EPC2: variants seen among roughly 807,000 people sequenced by gnomAD.
The protein encoded by EPC2 is enhancer of polycomb homolog 2.
EPC2 carries 14 observed loss-of-function variants against 92.1 expected under a neutral mutation model. That is an observed-to-expected ratio of 0.15 (90% CI 0.10 to 0.24). The LOEUF is 0.24. EPC2 is among the 10% of genes least tolerant of loss of function. EPC2 has a pLI of 1.00. For synonymous variants in EPC2, 340 were observed against 334.7 expected (o/e 1.02, Z -0.17); for missense variants, 755 against 971.5 (o/e 0.78, Z 2.96).
intron 2 of EPC2, among the ~76,000 whole-genome samples, chr2:148,711,490 A>G (rs1366257577): frequency 3.3e-5 from 5 of 152,070 alleles, no homozygotes; most frequent in Non-Finnish European, 7.4e-5. Flanking sequence ...TTATTTTTTT[A>G]TGGCTCAGAA....
At chr2:148,702,985 TATC>T (rs1681919338) in intron 2 of EPC2, among the ~76,000 whole-genome samples, 1 of 152,228 alleles carries the variant, frequency 6.6e-6, no homozygotes, top group African/African-American at 2.4e-5. Context: ...CTTCCCACTG[TATC>T]ATACTTCCTG....
chr2:148,784,572 T>C (rs1029782931), intron 12 of EPC2, 96 bp from the exon 13 acceptor site: 33 of 968,048 alleles, frequency 3.4e-5, no homozygotes, highest in Non-Finnish European at 5.1e-5. Flanking sequence ...TGGCATTCAA[T>C]TCAAATACAA....
chr2:148,689,069 G>T (rs7564433), intron 1 of EPC2, among the ~76,000 whole-genome samples: 104,295 of 152,064 alleles, frequency 0.69, 36,886 homozygotes, highest in Non-Finnish European at 0.79. Context: ...AAAGCAGACC[G>T]TTTGGATATA....
intron 2 of EPC2, among the ~76,000 whole-genome samples, chr2:148,716,136 G>T (rs1682257116): frequency 1.3e-5 from 2 of 152,158 alleles, no homozygotes; most frequent in African/African-American, 4.8e-5. Flanking sequence ...AGACGATGGG[G>T]TTTTCTAGAA....
chr2:148,666,869 CT>C (rs61149894), intron 1 of EPC2, among the ~76,000 whole-genome samples: 134,779 of 146,136 alleles, frequency 0.92, 62,380 homozygotes, highest in Middle Eastern at 0.97. Context: ...CATTGTTAGA[CT>C]TTTTTTTTTT....
At chr2:148,669,029 A>T (rs893516513) in intron 1 of EPC2, among the ~76,000 whole-genome samples, 1 of 152,040 alleles carries the variant, frequency 6.6e-6, no homozygotes, top group Admixed American at 6.5e-5. Flanking sequence ...CTGCTTTATT[A>T]CATCTTACAT....
rs186978833 is a variant in EPC2 at position 148,646,561 on chromosome 2, G to C, written c.153+1391G>C. On this transcript the variant is annotated intron_variant, in intron 1 of 13. Coordinates refer to ENST00000258484, the MANE Select transcript of EPC2 (RefSeq NM_015630.4). ...ATCAAAACCCAGCATTTATCCCTAAGGTTTAGAGCTGTGAGAACTTTTTTT... is the reference window on the plus strand; with the variant it reads ...ATCAAAACCCAGCATTTATCCCTAACGTTTAGAGCTGTGAGAACTTTTTTT... Among the ~76,000 whole-genome samples, 681 of 150,494 alleles carry C rather than the reference G, an allele frequency of 4.5e-3. 4 individuals carry two copies. Among genetic ancestry groups the C allele is most frequent in the Non-Finnish European group, 7.2e-3 (486 of 67,784 alleles).
In EPC2 at chr2:148,662,211, T is replaced by C. The variant is rs528662117; in HGVS notation, c.153+17041T>C. Among the ~76,000 whole-genome samples the C allele has an allele frequency of 1.2e-3, 176 of 152,262 alleles. 1 individual carries two copies. The highest frequency in any genetic ancestry group is 3.4e-3 in the African/African-American group (142 of 41,558). ...TGGAGAAATAGGAACACTTTTACAC[T>C]GTTGGTGGGAGTGTAAACTAGTTCA... On this transcript the variant is annotated intron_variant, in intron 1 of 13. Coordinates refer to ENST00000258484, the MANE Select transcript of EPC2 (RefSeq NM_015630.4).
At chr2:148,674,076 A>G (rs1378735219) in intron 1 of EPC2, among the ~76,000 whole-genome samples, 2 of 151,968 alleles carry the variant, frequency 1.3e-5, no homozygotes, top group Non-Finnish European at 2.9e-5. Context: ...GGTGCATTTG[A>G]AAAAACAGGC....
At chr2:148,778,129 T>A (rs1388232423) in intron 10 of EPC2, among the ~76,000 whole-genome samples, 2 of 152,122 alleles carry the variant, frequency 1.3e-5, no homozygotes, top group Admixed American at 1.3e-4. Flanking sequence ...ACAATCAGAT[T>A]TATGGTTACT....
intron 2 of EPC2, among the ~76,000 whole-genome samples, 191 bp from the exon 3 acceptor site, chr2:148,743,431 A>AT (rs1682919400): frequency 6.6e-6 from 1 of 152,148 alleles, no homozygotes; most frequent in Non-Finnish European, 1.5e-5. Flanking sequence ...TGTTTAAATC[A>AT]TATATAAAGC....
rs543913065 is a variant in EPC2 at position 148,755,947 on chromosome 2, T to C, written c.666+1814T>C. On this transcript the variant is annotated intron_variant, in intron 4 of 13. Coordinates refer to ENST00000258484, the MANE Select transcript of EPC2 (RefSeq NM_015630.4). ...GCATGACTGTAATTAATTTCAGATA[T>C]ATTGCAAAACAGACCATTAGCAATG... Among the ~76,000 whole-genome samples, 3 of 152,342 alleles carry C rather than the reference T, an allele frequency of 2.0e-5. No individual in the cohort carries two copies. In the South Asian group the frequency reaches 6.2e-4, roughly 32 times the overall value.
At chr2:148,663,109 T>A (rs1480104294) in intron 1 of EPC2, among the ~76,000 whole-genome samples, 1 of 151,342 alleles carries the variant, frequency 6.6e-6, no homozygotes, top group Middle Eastern at 3.2e-3. Context: ...GGCAGCACAC[T>A]CTTGTGGGAA....
intron 6 of EPC2, among the ~76,000 whole-genome samples, chr2:148,763,811 A>G (rs565358982): frequency 3.3e-5 from 5 of 152,350 alleles, no homozygotes; most frequent in East Asian, 3.9e-4. Flanking sequence ...TTTTGTGTCA[A>G]TCAATGCTTT....
intron 6 of EPC2, 34 bp downstream of exon 6, chr2:148,762,836 G>A (rs758219399): frequency 6.4e-7 from 1 of 1,564,120 alleles, no homozygotes; most frequent in Non-Finnish European, 8.6e-7. Context: ...ATGTATGGAT[G>A]GTAATGTTGA....
chr2:148,645,284 C>T (rs1280976590), intron 1 of EPC2, 114 bp downstream of exon 1: 4 of 961,202 alleles, frequency 4.2e-6, no homozygotes, highest in Non-Finnish European at 6.1e-6. Context: ...CGCTGCCGCT[C>T]TAACGCACGG....
chr2:148,732,812 T>G (rs1276581423), intron 2 of EPC2, among the ~76,000 whole-genome samples: 1 of 152,176 alleles, frequency 6.6e-6, no homozygotes, highest in Non-Finnish European at 1.5e-5. Flanking sequence ...TATAAACCTG[T>G]ATTTTTGTAT....
intron 1 of EPC2, among the ~76,000 whole-genome samples, chr2:148,652,987 C>A (rs1680716701): frequency 6.6e-6 from 1 of 152,050 alleles, no homozygotes; most frequent in South Asian, 2.1e-4. Context: ...TATCATTTTT[C>A]TCACTTGAGT....
intron 1 of EPC2, among the ~76,000 whole-genome samples, chr2:148,660,046 A>G (rs1347230703): frequency 6.6e-6 from 1 of 152,182 alleles, no homozygotes; most frequent in Non-Finnish European, 1.5e-5. Context: ...AATTCAGAAT[A>G]TGCAGAAAAA....
Sources: allele counts gnomAD v4.1 joint callset (sites outside exome capture counted in the v4.1 genomes callset), GRCh38; gene constraint gnomAD v4.1.1; transcripts MANE v1.5; gene names NCBI Gene and HGNC (gene_info 2026-07-23, HGNC 2026-07-21).